TAFA1: variants seen among roughly 807,000 people sequenced by gnomAD.
TAFA1 encodes chemokine-like protein TAFA-1.
A neutral mutation model predicts 18.5 loss-of-function variants in TAFA1; 4 were observed. The ratio of observed to expected loss-of-function variants is 0.22; its 90% CI spans 0.11 to 0.49. The LOEUF (loss-of-function observed/expected upper bound fraction) is 0.49. TAFA1 is among the 20% of genes least tolerant of loss of function. The pLI, the probability that TAFA1 is intolerant of heterozygous loss-of-function variation, is 0.98. For synonymous variants in TAFA1, 56 were observed against 55.2 expected, an observed-to-expected ratio of 1.01 and a Z score of -0.06; for missense variants, 147 against 169.0, an observed-to-expected ratio of 0.87 and a Z score of 0.72.
At chr3:68,194,605 T>C (rs1241592343) in intron 2 of TAFA1, among the ~76,000 whole-genome samples, 2 of 151,780 alleles carry the variant, frequency 1.3e-5, no homozygotes, top group African/African-American at 4.8e-5. Flanking sequence ...ATAATATCTA[T>C]GTAAGAAATA....
intron 2 of TAFA1, among the ~76,000 whole-genome samples, chr3:68,310,807 T>A (rs757210364): frequency 4.6e-5 from 7 of 152,212 alleles, no homozygotes; most frequent in Non-Finnish European, 7.3e-5. Flanking sequence ...GAAATTTATT[T>A]AGTTTCAATT....
chr3:68,100,858 C>A (rs565562837), intron 2 of TAFA1, among the ~76,000 whole-genome samples: 2 of 152,142 alleles, frequency 1.3e-5, no homozygotes, highest in East Asian at 3.9e-4. Context: ...CAAGACAAAA[C>A]GTGATATAGC....
intron 3 of TAFA1, among the ~76,000 whole-genome samples, chr3:68,509,361 G>C (rs576447175): frequency 6.6e-6 from 1 of 152,128 alleles, no homozygotes; most frequent in East Asian, 1.9e-4. Context: ...GTCATTGAAG[G>C]ACACTGACAA....
intron 2 of TAFA1, among the ~76,000 whole-genome samples, chr3:68,092,860 C>G (rs565748134): frequency 6.6e-6 from 1 of 151,954 alleles, no homozygotes; most frequent in African/African-American, 2.4e-5. Flanking sequence ...TCCCTTTAAC[C>G]CAGAGACCAA....
At chr3:68,292,008 C>T (rs909389770) in intron 2 of TAFA1, among the ~76,000 whole-genome samples, 2 of 152,030 alleles carry the variant, frequency 1.3e-5, no homozygotes, top group African/African-American at 4.8e-5. Flanking sequence ...ATATATATAA[C>T]CACAGTTTTA....
At chr3:68,119,690 G>T (rs1002098175) in intron 2 of TAFA1, among the ~76,000 whole-genome samples, 3 of 152,054 alleles carry the variant, frequency 2.0e-5, no homozygotes, top group African/African-American at 7.2e-5. Flanking sequence ...GAGCAGATAT[G>T]TGAGGGCTTA....
At chr3:68,254,841 A>G (rs987887823) in intron 2 of TAFA1, among the ~76,000 whole-genome samples, 7 of 152,210 alleles carry the variant, frequency 4.6e-5, no homozygotes, top group African/African-American at 1.7e-4. Flanking sequence ...TTGGTTAGAG[A>G]ATGCTAAATT....
chr3:68,219,978 T>C (rs1195131196), intron 2 of TAFA1, among the ~76,000 whole-genome samples: 1 of 152,186 alleles, frequency 6.6e-6, no homozygotes, highest in African/African-American at 2.4e-5. Flanking sequence ...TAGACAATAA[T>C]CAGTAATCAA....
intron 2 of TAFA1, among the ~76,000 whole-genome samples, chr3:68,080,789 T>G (rs1417873162): frequency 2.0e-5 from 3 of 152,188 alleles, no homozygotes; most frequent in Non-Finnish European, 4.4e-5. Context: ...CAATTATGTG[T>G]CTTGGAGTTG....
chr3:68,021,478 C>T (rs1704689486), intron 2 of TAFA1, among the ~76,000 whole-genome samples: 1 of 152,062 alleles, frequency 6.6e-6, no homozygotes, highest in African/African-American at 2.4e-5. Context: ...AATCCATCAC[C>T]CTTTTATCAT....
intron 2 of TAFA1, among the ~76,000 whole-genome samples, chr3:68,116,497 T>G (rs898805014): frequency 6.6e-6 from 1 of 152,212 alleles, no homozygotes; most frequent in Non-Finnish European, 1.5e-5. Flanking sequence ...TCTGTTATTC[T>G]TTCAATGAAA....
intron 2 of TAFA1, among the ~76,000 whole-genome samples, chr3:68,365,999 C>T (rs1226479454): frequency 1.3e-5 from 2 of 150,688 alleles, no homozygotes; most frequent in Non-Finnish European, 3.0e-5. Flanking sequence ...GCAGGAGAAT[C>T]ACTTGAACCC....
At chr3:68,322,186 T>C (rs755959937) in intron 2 of TAFA1, among the ~76,000 whole-genome samples, 12 of 152,238 alleles carry the variant, frequency 7.9e-5, no homozygotes, top group Non-Finnish European at 1.5e-4. Flanking sequence ...TCTGATCTTA[T>C]ATTATAGATA....
chr3:68,193,785 A>G (rs2066377520), intron 2 of TAFA1, among the ~76,000 whole-genome samples: 1 of 151,654 alleles, frequency 6.6e-6, no homozygotes. Context: ...TATCTATCAT[A>G]TATGGTAGCT....
At chr3:68,387,858 A>G (rs192798061) in intron 2 of TAFA1, among the ~76,000 whole-genome samples, 36 of 152,274 alleles carry the variant, frequency 2.4e-4, no homozygotes, top group African/African-American at 7.7e-4. Flanking sequence ...TATAATATGC[A>G]TTTCATTCAG....
intron 2 of TAFA1, among the ~76,000 whole-genome samples, chr3:68,267,279 C>T (rs2067566901): frequency 6.6e-6 from 1 of 152,138 alleles, no homozygotes; most frequent in Admixed American, 6.5e-5. Flanking sequence ...TTGTAAGAAA[C>T]TTACTGAACC....
intron 2 of TAFA1, among the ~76,000 whole-genome samples, chr3:68,197,572 C>CT (rs550753280): frequency 0.18 from 26,605 of 148,292 alleles, 2,307 homozygotes; most frequent in Middle Eastern, 0.21. Context: ...ATGTCAATGC[C>CT]TTTTTTTTTT....
At position 68,517,144 on chromosome 3, in the gene TAFA1, C is replaced by G. The variant is rs182345042; in HGVS notation, c.260-21612C>G. Reference sequence around the variant, plus strand: ...GGAGAAAATCTCAATTTAGTATTATCATGTCTTCAACACCTCTCAAAAATA... The same window carrying G: ...GGAGAAAATCTCAATTTAGTATTATGATGTCTTCAACACCTCTCAAAAATA... On this transcript the variant is annotated intron_variant, in intron 3 of 4. Transcript: ENST00000478136. Among the ~76,000 whole-genome samples, 40 of 152,308 alleles carry G rather than the reference C, an allele frequency of 2.6e-4. 1 individual carries two copies. The East Asian group carries it at 5.6e-3, about 21-fold the overall frequency.
chr3:68,032,971 A>C (rs944698338), intron 2 of TAFA1, among the ~76,000 whole-genome samples: 2 of 152,034 alleles, frequency 1.3e-5, no homozygotes, highest in Non-Finnish European at 2.9e-5. Context: ...CTTCCTTCCT[A>C]TGTATGATAT....
Sources: gnomAD v4.1 joint callset for allele counts (sites outside exome capture counted in the v4.1 genomes callset) on GRCh38, gnomAD v4.1.1 for gene constraint, MANE v1.5 for transcripts, NCBI Gene and HGNC (gene_info 2026-07-23, HGNC 2026-07-21) for gene names.